Variants in POFUT3 observed in about 807,000 individuals in gnomAD.
POFUT3 encodes the protein protein O-fucosyltransferase 3, also known as GDP-fucose protein O-fucosyltransferase 3.
chr8:33,382,450 A>C, the POFUT3 span, among the ~76,000 whole-genome samples: 1 of 152,190 alleles, frequency 6.6e-6, no homozygotes, highest in African/African-American at 2.4e-5. Flanking sequence ...GGAAAACAAA[A>C]AATTTCGGAA....
chr8:33,347,181 C>T, the POFUT3 span, among the ~76,000 whole-genome samples: 1 of 152,130 alleles, frequency 6.6e-6, no homozygotes, highest in East Asian at 1.9e-4. Flanking sequence ...CAAGCATCTC[C>T]ACCTTGATCC....
chr8:33,394,797 C>G, the POFUT3 span, among the ~76,000 whole-genome samples: 3 of 152,094 alleles, frequency 2.0e-5, no homozygotes, highest in Admixed American at 6.6e-5. Context: ...CTTCCAGATA[C>G]ACCAATGTCC....
At chr8:33,327,040 A>T in the POFUT3 span, among the ~76,000 whole-genome samples, 1 of 152,272 alleles carries the variant, frequency 6.6e-6, no homozygotes, top group East Asian at 1.9e-4. Flanking sequence ...TGCGTCCCAA[A>T]GTGCTGGGAT....
the POFUT3 span, chr8:33,372,636 C>T: frequency 6.2e-7 from 1 of 1,614,042 alleles, no homozygotes; most frequent in South Asian, 1.1e-5. Context: ...TTCCTATCAA[C>T]CAGCCACCTT....
chr8:33,412,008 A>G, the POFUT3 span, among the ~76,000 whole-genome samples: 2 of 143,462 alleles, frequency 1.4e-5, no homozygotes, highest in African/African-American at 5.2e-5. Flanking sequence ...TTTCATTCAC[A>G]GGTTGCACAC....
At chr8:33,443,543 A>C in the POFUT3 span, among the ~76,000 whole-genome samples, 1 of 152,056 alleles carries the variant, frequency 6.6e-6, no homozygotes, top group Non-Finnish European at 1.5e-5. Context: ...CCCAGGCTGG[A>C]GTGTAGTGGC....
chr8:33,430,012 A>G, the POFUT3 span, among the ~76,000 whole-genome samples: 1 of 143,562 alleles, frequency 7.0e-6, no homozygotes, highest in Non-Finnish European at 1.5e-5. Flanking sequence ...AAAAAAAAAA[A>G]GAAAGACTCC....
the POFUT3 span, among the ~76,000 whole-genome samples, chr8:33,321,503 G>A: frequency 2.6e-5 from 4 of 151,838 alleles, no homozygotes; most frequent in Admixed American, 6.6e-5. Flanking sequence ...TTGGCTTCTC[G>A]CAGCAGGGTG....
At chr8:33,361,740 T>C in the POFUT3 span, among the ~76,000 whole-genome samples, 1 of 152,230 alleles carries the variant, frequency 6.6e-6, no homozygotes, top group Non-Finnish European at 1.5e-5. Context: ...GGCAGTTTAA[T>C]ATTCTGAGTA....
At chr8:33,412,517 A>G in the POFUT3 span, among the ~76,000 whole-genome samples, 1 of 152,200 alleles carries the variant, frequency 6.6e-6, no homozygotes, top group African/African-American at 2.4e-5. Flanking sequence ...CCTGTGTCTG[A>G]GTAGATCCAC....
At chr8:33,347,242 A>C in the POFUT3 span, among the ~76,000 whole-genome samples, 2 of 152,182 alleles carry the variant, frequency 1.3e-5, no homozygotes, top group Non-Finnish European at 2.9e-5. Context: ...TGGAAGTGTT[A>C]ATGAAAAAAG....
the POFUT3 span, among the ~76,000 whole-genome samples, chr8:33,421,578 G>C: frequency 6.6e-6 from 1 of 150,420 alleles, no homozygotes; most frequent in African/African-American, 2.5e-5. Context: ...ATGTTTATTC[G>C]CTTGAGGGAA....
At chr8:33,369,283 T>C in the POFUT3 span, among the ~76,000 whole-genome samples, 241 of 152,320 alleles carry the variant, frequency 1.6e-3, 3 homozygotes, top group African/African-American at 5.7e-3. Flanking sequence ...ATAAAGACAG[T>C]ATGTTGCAGA....
chr8:33,379,932 T>C, the POFUT3 span, among the ~76,000 whole-genome samples: 1 of 112,476 alleles, frequency 8.9e-6, no homozygotes, highest in Non-Finnish European at 1.7e-5. Flanking sequence ...ACACTATATA[T>C]ACACTATATA....
At chr8:33,351,448 G>A in the POFUT3 span, among the ~76,000 whole-genome samples, 12 of 152,058 alleles carry the variant, frequency 7.9e-5, no homozygotes, top group African/African-American at 1.9e-4. Context: ...TCGGCGGGGG[G>A]CAGGGGGTGT....
the POFUT3 span, among the ~76,000 whole-genome samples, chr8:33,416,714 C>T: frequency 4.6e-5 from 7 of 151,454 alleles, no homozygotes; most frequent in Admixed American, 2.0e-4. Context: ...GGTGTGGTGC[C>T]GCATGCCTGT....
the POFUT3 span, among the ~76,000 whole-genome samples, chr8:33,454,945 C>A: frequency 6.6e-6 from 1 of 152,114 alleles, no homozygotes; most frequent in South Asian, 2.1e-4. Flanking sequence ...GGATTACAGG[C>A]ATGAGCCACC....
At chr8:33,384,113 G>C in the POFUT3 span, among the ~76,000 whole-genome samples, 12 of 152,208 alleles carry the variant, frequency 7.9e-5, no homozygotes, top group African/African-American at 2.9e-4. Flanking sequence ...CAGCCACTGA[G>C]AGAAAGCTCA....
At chr8:33,451,740 G>A in the POFUT3 span, 1 of 152,052 alleles carries the variant, frequency 6.6e-6, no homozygotes, top group East Asian at 1.9e-4. Flanking sequence ...AAAGGAAAGA[G>A]GTTTAATTGA....
Sources: gnomAD v4.1 joint callset for allele counts (sites outside exome capture counted in the v4.1 genomes callset) on GRCh38, gnomAD v4.1.1 for gene constraint, MANE v1.5 for transcripts, NCBI Gene and HGNC (gene_info 2026-07-23, HGNC 2026-07-21) for gene names.